The following CRISP1 variants were observed in gnomAD, a reference collection of about 807,000 sequenced individuals.
The protein encoded by CRISP1 is cysteine rich secretory protein 1, also known as cysteine-rich secretory protein 1.
CRISP1 carries 44 observed loss-of-function variants against 33.1 expected under a neutral mutation model. The observed-to-expected ratio is 1.33, with a 90% CI of 1.05 to 1.71. The LOEUF (loss-of-function observed/expected upper bound fraction) is 1.71, where lower values mean the gene tolerates loss of function less well. CRISP1 is among the 40% of genes most tolerant of loss of function. CRISP1 has a pLI of 0.00. For missense variants in CRISP1, 390 were observed against 301.2 expected, an observed-to-expected ratio of 1.29 and a Z score of -2.18; for synonymous variants, 103 against 98.7, an observed-to-expected ratio of 1.04 and a Z score of -0.26.
At chr6:49,876,651 T>C (rs1025944893) in intron 1 of CRISP1, among the ~76,000 whole-genome samples, 3 of 152,020 alleles carry the variant, frequency 2.0e-5, no homozygotes, top group Non-Finnish European at 4.4e-5. Context: ...CCATCAATTA[T>C]AGGCTGGGTA....
intron 1 of CRISP1, among the ~76,000 whole-genome samples, chr6:49,861,036 T>C (rs896125235): frequency 2.0e-5 from 3 of 151,990 alleles, no homozygotes; most frequent in Non-Finnish European, 2.9e-5. Flanking sequence ...CCTACCAAGA[T>C]TGAATCAGAA....
chr6:49,866,645 A>G (rs1771805333), upstream of CRISP1: 1 of 152,180 alleles, frequency 6.6e-6, no homozygotes, highest in African/African-American at 2.4e-5. Flanking sequence ...GAAGATTACA[A>G]ATCATGATTA....
chr6:49,848,749 T>C (rs1165789324), intron 3 of CRISP1, among the ~76,000 whole-genome samples: 2 of 152,286 alleles, frequency 1.3e-5, no homozygotes, highest in Admixed American at 6.5e-5. Context: ...ACAAATCTTC[T>C]GTATTGAATA....
intron 4 of CRISP1, 46 bp downstream of exon 4, chr6:49,848,158 CTATTT>C: frequency 1.1e-6 from 1 of 940,514 alleles, no homozygotes; most frequent in South Asian, 1.6e-5. Context: ...CCCTGTTTTA[CTATTT>C]TTTTTTTTTT....
At chr6:49,871,797 CG>C (rs1329053118) in intron 1 of CRISP1, among the ~76,000 whole-genome samples, 1 of 151,968 alleles carries the variant, frequency 6.6e-6, no homozygotes, top group Admixed American at 6.6e-5. Flanking sequence ...TCTGGTCTAT[CG>C]TTGTTGGACA....
At chr6:49,856,295 C>T (rs1293698565) in intron 2 of CRISP1, among the ~76,000 whole-genome samples, 1 of 152,168 alleles carries the variant, frequency 6.6e-6, no homozygotes, top group Admixed American at 6.6e-5. Flanking sequence ...ACTGTTTGCC[C>T]TTTTCCCATT....
intron 1 of CRISP1, among the ~76,000 whole-genome samples, chr6:49,861,724 A>G (rs1771659323): frequency 6.6e-6 from 1 of 152,074 alleles, no homozygotes. Context: ...TCTCTACTAA[A>G]AATACAAAAT....
At chr6:49,875,318 C>T (rs1262054059) in intron 1 of CRISP1, among the ~76,000 whole-genome samples, 1 of 151,416 alleles carries the variant, frequency 6.6e-6, no homozygotes. Context: ...TTCACAATTG[C>T]TTCCTAGGAA....
chr6:49,865,879 C>T (rs534797371), intron 1 of CRISP1, among the ~76,000 whole-genome samples: 2 of 152,170 alleles, frequency 1.3e-5, no homozygotes, highest in African/African-American at 4.8e-5. Context: ...CCGCTGGGGC[C>T]CATCACTAGT....
chr6:49,866,579 T>C (rs553724325), upstream of CRISP1: 6 of 152,124 alleles, frequency 3.9e-5, no homozygotes, highest in Non-Finnish European at 8.8e-5. Flanking sequence ...GATCAAGGGA[T>C]TTACGGTGGA....
intron 1 of CRISP1, among the ~76,000 whole-genome samples, chr6:49,863,880 G>A (rs1771722353): frequency 6.6e-6 from 1 of 152,144 alleles, no homozygotes; most frequent in Admixed American, 6.5e-5. Flanking sequence ...CCTCACCTCA[G>A]TGAATCTGTT....
chr6:49,849,146 T>A (rs969253103), intron 3 of CRISP1, among the ~76,000 whole-genome samples: 2 of 152,180 alleles, frequency 1.3e-5, no homozygotes, highest in African/African-American at 2.4e-5. Context: ...ATTCTGCATC[T>A]GTAAGTATGA....
chr6:49,850,218 G>T (rs936993043), intron 3 of CRISP1, among the ~76,000 whole-genome samples: 1 of 151,742 alleles, frequency 6.6e-6, no homozygotes, highest in East Asian at 1.9e-4. Flanking sequence ...TGCACATTGT[G>T]CACATGTACC....
At chr6:49,862,995 C>T (rs937353677) in intron 1 of CRISP1, among the ~76,000 whole-genome samples, 1 of 151,792 alleles carries the variant, frequency 6.6e-6, no homozygotes, top group African/African-American at 2.4e-5. Context: ...TCTCTGTTGC[C>T]CCAGAATTAT....
At chr6:49,848,396 A>T in intron 3 of CRISP1, 97 bp from the exon 4 acceptor site, 1 of 613,972 alleles carries the variant, frequency 1.6e-6, no homozygotes, top group Non-Finnish European at 2.7e-6. Flanking sequence ...TAATATCTTC[A>T]ATTGTATCAA....
chr6:49,870,108 A>G (rs1035741220), upstream of CRISP1, among the ~76,000 whole-genome samples: 1 of 152,220 alleles, frequency 6.6e-6, no homozygotes, highest in African/African-American at 2.4e-5. Context: ...TCACAGGCCA[A>G]ACAGACTAAG....
intron 3 of CRISP1, among the ~76,000 whole-genome samples, chr6:49,848,974 G>A (rs1326270181): frequency 6.6e-6 from 1 of 151,966 alleles, no homozygotes; most frequent in African/African-American, 2.4e-5. Flanking sequence ...TAACTTTTCG[G>A]GGTCACACTA....
At chr6:49,837,209 A>G (rs930087580) in intron 7 of CRISP1, among the ~76,000 whole-genome samples, 4 of 152,170 alleles carry the variant, frequency 2.6e-5, no homozygotes, top group African/African-American at 9.7e-5. Context: ...TTAAGTTCAT[A>G]TATTCCTTTA....
At chr6:49,867,440 TA>T (rs549535642), upstream of CRISP1, among the ~76,000 whole-genome samples, 1 of 152,024 alleles carries the variant, frequency 6.6e-6, no homozygotes, top group Non-Finnish European at 1.5e-5. Context: ...TATTATTTAA[TA>T]AAAAATATTT....
Sources: gnomAD v4.1 joint callset for allele counts (sites outside exome capture counted in the v4.1 genomes callset) on GRCh38, gnomAD v4.1.1 for gene constraint, MANE v1.5 for transcripts, NCBI Gene and HGNC (gene_info 2026-07-23, HGNC 2026-07-21) for gene names.